Variants in DGKG observed in about 807,000 individuals in gnomAD.
DGKG encodes the protein diacylglycerol kinase gamma.
A neutral mutation model predicts 105.3 loss-of-function variants in DGKG; 78 were observed. The ratio of observed to expected loss-of-function variants is 0.74; its 90% CI spans 0.62 to 0.89. The LOEUF (loss-of-function observed/expected upper bound fraction) is 0.89. Among genes scored for constraint, DGKG ranks in the 40% least tolerant of loss-of-function variants. The pLI, the probability that DGKG is intolerant of heterozygous loss-of-function variation, is 0.00. For synonymous variants in DGKG, 346 were observed against 367.1 expected (o/e 0.94, Z 0.66); for missense variants, 958 against 1,020.1 (o/e 0.94, Z 0.83).
Position 186,279,807 on chromosome 3 carries a change from T to C in DGKG, c.792+44A>G. The C allele has an allele frequency of 1.9e-6, 3 of 1,604,446 alleles. No individual in the cohort carries two copies. The South Asian group carries it at 3.3e-5, about 18-fold the overall frequency. ...TTGATATTAACATGAAGCCCAATGTTCCTGAATGGCAAGAGATCTCTGAAC... is the reference window on the plus strand; with the variant it reads ...TTGATATTAACATGAAGCCCAATGTCCCTGAATGGCAAGAGATCTCTGAAC... On this transcript the variant is annotated intron_variant, in intron 9 of 24. Coordinates refer to ENST00000265022, the MANE Select transcript of DGKG (RefSeq NM_001346.3).
chr3:186,162,737 T>A (rs1301057470), intron 23 of DGKG, among the ~76,000 whole-genome samples: 2 of 152,048 alleles, frequency 1.3e-5, no homozygotes, highest in Non-Finnish European at 2.9e-5. Flanking sequence ...AGAGACAGGG[T>A]TTCACCATGT....
At chr3:186,319,739 A>G (rs1578829625) in intron 2 of DGKG, among the ~76,000 whole-genome samples, 1 of 152,182 alleles carries the variant, frequency 6.6e-6, no homozygotes, top group African/African-American at 2.4e-5. Flanking sequence ...GGGACAAGCC[A>G]TGGGCCCATG....
chr3:186,198,320 A>T (rs1718284122), intron 21 of DGKG, among the ~76,000 whole-genome samples: 1 of 152,198 alleles, frequency 6.6e-6, no homozygotes, highest in South Asian at 2.1e-4. Context: ...ATCACAGCTG[A>T]AGGAAATCCA....
intron 17 of DGKG, among the ~76,000 whole-genome samples, chr3:186,255,916 T>C (rs1721445010): frequency 6.6e-6 from 1 of 152,204 alleles, no homozygotes; most frequent in African/African-American, 2.4e-5. Flanking sequence ...TTTGGGTCAC[T>C]AACCTGTGAA....
At chr3:186,257,059 A>C (rs900177419) in intron 17 of DGKG, among the ~76,000 whole-genome samples, 2 of 152,182 alleles carry the variant, frequency 1.3e-5, no homozygotes, top group African/African-American at 4.8e-5. Flanking sequence ...TTGACACATC[A>C]TGGAGCACAG....
intron 15 of DGKG, among the ~76,000 whole-genome samples, chr3:186,261,312 C>T (rs9874972): frequency 0.057 from 8,712 of 152,122 alleles, 350 homozygotes; most frequent in African/African-American, 0.11. Flanking sequence ...TGGCTTCTCA[C>T]GGGTGACGGT....
intron 10 of DGKG, among the ~76,000 whole-genome samples, chr3:186,273,367 C>CCTTTT (rs1553811123): frequency 9.3e-5 from 8 of 85,636 alleles, no homozygotes; most frequent in South Asian, 5.0e-4. Context: ...TGTTGTACCC[C>CCTTTT]TTTTTTTTTT....
chr3:186,355,132 GC>G (rs1726845559), intron 1 of DGKG, among the ~76,000 whole-genome samples: 1 of 35,674 alleles, frequency 2.8e-5, no homozygotes. Flanking sequence ...TCATCACCCT[GC>G]CCCCAACCAC....
intron 20 of DGKG, among the ~76,000 whole-genome samples, chr3:186,236,759 T>C (rs940342366): frequency 1.3e-5 from 2 of 152,260 alleles, no homozygotes; most frequent in Non-Finnish European, 2.9e-5. Context: ...GGTCAGCTTC[T>C]AGTAGGAATG....
chr3:186,311,401 AC>A (rs1443557339), intron 2 of DGKG, among the ~76,000 whole-genome samples: 8 of 152,178 alleles, frequency 5.3e-5, no homozygotes, highest in African/African-American at 1.9e-4. Context: ...AAAGAACTCT[AC>A]CCAACAGGTC....
At chr3:186,212,880 C>T (rs1343379658) in intron 20 of DGKG, among the ~76,000 whole-genome samples, 2 of 152,182 alleles carry the variant, frequency 1.3e-5, no homozygotes, top group African/African-American at 4.8e-5. Flanking sequence ...AGAGAGGATG[C>T]CACCTTGCAT....
intron 1 of DGKG, among the ~76,000 whole-genome samples, chr3:186,349,541 CT>C (rs1032705813): frequency 2.4e-4 from 37 of 152,088 alleles, no homozygotes; most frequent in African/African-American, 8.4e-4. Context: ...TATGTTCTCT[CT>C]TTTTTTTAGC....
At chr3:186,260,549 G>C in intron 15 of DGKG, 36 bp from the exon 16 acceptor site, 405 of 1,353,720 alleles carry the variant, frequency 3.0e-4, no homozygotes, top group Non-Finnish European at 3.9e-4. Context: ...GAGAGAGAGA[G>C]ACAGAGAAGG....
At position 186,284,696 on chromosome 3, in the gene DGKG, G is replaced by C. The variant is rs1295074011; in HGVS notation, c.558C>G (p.Leu186=). 6.2e-7 allele frequency: 1 copy of C among 1,613,922 alleles called. No individual in the cohort carries two copies. The highest frequency in any genetic ancestry group is 1.1e-5 in the South Asian group (1 of 91,072). ...PQDKLEFMFR[L]YDSDENGLLD... Reference sequence around the variant, plus strand: ...GGAGACCGTTCTCATCTGAATCATAGAGGCGAAACATGACTGTAAGAAACA... The same window carrying C: ...GGAGACCGTTCTCATCTGAATCATACAGGCGAAACATGACTGTAAGAAACA... Residue 186 remains leucine (L), a synonymous_variant, in exon 7 of 25, where the codon CTC becomes CTG. Coordinates refer to ENST00000265022, the MANE Select transcript of DGKG (RefSeq NM_001346.3). This position sits in a 1 kb window ranked among gnomAD's most constrained non-coding sequence, Gnocchi z 4.0.
chr3:186,223,135 A>G (rs1578686975), intron 20 of DGKG, among the ~76,000 whole-genome samples: 2 of 150,374 alleles, frequency 1.3e-5, no homozygotes, highest in African/African-American at 4.9e-5. Flanking sequence ...CTTAAAGTAC[A>G]GGGAGCACAT....
intron 21 of DGKG, among the ~76,000 whole-genome samples, chr3:186,191,366 C>A (rs1717898548): frequency 6.6e-6 from 1 of 152,172 alleles, no homozygotes; most frequent in South Asian, 2.1e-4. Flanking sequence ...GTACCCTATT[C>A]TTATTTTTTG....
chr3:186,336,999 G>T (rs1418675272), intron 1 of DGKG, among the ~76,000 whole-genome samples: 1 of 152,138 alleles, frequency 6.6e-6, no homozygotes, highest in Non-Finnish European at 1.5e-5. Flanking sequence ...ATATTAAAAG[G>T]TCTACTTGCC....
At chr3:186,174,190 T>G (rs1240553808) in intron 22 of DGKG, among the ~76,000 whole-genome samples, 1 of 152,212 alleles carries the variant, frequency 6.6e-6, no homozygotes, top group East Asian at 1.9e-4. Context: ...CTGGCAGGGT[T>G]GTCTCGAAGT....
At position 186,201,527 on chromosome 3, in the gene DGKG, C is replaced by T. The variant is rs372175065; in HGVS notation, c.1917+10268G>A. On this transcript the variant is annotated intron_variant, in intron 21 of 24. Transcript: ENST00000265022. The stretch of plus-strand genomic sequence containing the variant: ...TTCCTGTCCTGGTTCACAGTTGTCC[C>T]GGACCCTCTGCTACTATCAAAGATA... 1.7e-4 allele frequency among the ~76,000 whole-genome samples: 26 copies of T among 152,252 alleles called. 1 individual carries two copies. Among genetic ancestry groups the T allele is most frequent in the South Asian group, 2.1e-4 (1 of 4,818 alleles).
Sources: allele counts gnomAD v4.1 joint callset (sites outside exome capture counted in the v4.1 genomes callset), GRCh38; gene constraint gnomAD v4.1.1; non-coding constraint Gnocchi (gnomAD v3.1); transcripts MANE v1.5; gene names NCBI Gene and HGNC (gene_info 2026-07-23, HGNC 2026-07-21).